DYNC1H1: variants seen among roughly 807,000 people sequenced by gnomAD.
The protein encoded by DYNC1H1 is dynein cytoplasmic 1 heavy chain 1, also known as cytoplasmic dynein 1 heavy chain 1.
A neutral mutation model predicts 527.1 loss-of-function variants in DYNC1H1; 51 were observed. The ratio of observed to expected loss-of-function variants is 0.10; its 90% CI spans 0.08 to 0.12. The LOEUF (loss-of-function observed/expected upper bound fraction) is 0.12, where lower values mean the gene tolerates loss of function less well. Among genes scored for constraint, DYNC1H1 ranks in the 10% least tolerant of loss-of-function variants. The pLI, the probability that DYNC1H1 is intolerant of heterozygous loss-of-function variation, is 1.00. For missense variants in DYNC1H1, 2,771 were observed against 5,971.8 expected, an observed-to-expected ratio of 0.46 and a Z score of 17.66; for synonymous variants, 2,189 against 2,278.8, an observed-to-expected ratio of 0.96 and a Z score of 1.12.
chr14:101,982,896 G>T, intron 5 of DYNC1H1, 123 bp from the exon 6 acceptor site: 1 of 1,188,486 alleles, frequency 8.4e-7, no homozygotes, highest in East Asian at 2.4e-5. Context: ...TTTCAAATAT[G>T]AATAGTTTTT....
At chr14:102,032,228 C>CTTA (rs1461340153) in intron 51 of DYNC1H1, 44 bp from the exon 52 acceptor site, 3 of 1,611,166 alleles carry the variant, frequency 1.9e-6, no homozygotes, top group Non-Finnish European at 2.5e-6. Context: ...TTTGCTCTAT[C>CTTA]TTCTCCCACC....
Position 102,039,830 on chromosome 14 carries a change from CTTT to C in DYNC1H1, c.11690+100_11690+102del, listed in dbSNP as rs1567021603. 1.4e-5 allele frequency: 19 copies of C among 1,383,836 alleles called. No individual in the cohort carries two copies. The highest frequency in any genetic ancestry group is 4.0e-5 in the Admixed American group (2 of 50,376). 85.7% of individuals were successfully genotyped at this position (1,383,836 alleles called of 1,614,324 possible). ...GCTTTTATTATTTCTTTTATTTTCT[CTTT>C]TATTTTCTTTATTTTATTTTTTGAG... On this transcript the variant is annotated intron_variant, in intron 62 of 77. Coordinates refer to ENST00000360184, the MANE Select transcript of DYNC1H1 (RefSeq NM_001376.5). The surrounding 1 kb of genome is among the most constrained non-coding windows in gnomAD (Gnocchi z 7.0).
Position 102,038,808 on chromosome 14 carries a change from T to C in DYNC1H1, c.11166T>C (p.Pro3722=), listed in dbSNP as rs2048608015. Residue 3722 remains proline, a synonymous_variant, in exon 59 of 78, where the codon CCT becomes CCC. Coordinates refer to ENST00000360184, the MANE Select transcript of DYNC1H1 (RefSeq NM_001376.5). The surrounding 1 kb of genome is among the most constrained non-coding windows in gnomAD (Gnocchi z 7.2). ...CLNEVLKAER[P]DVDEKRSDLL... Reference sequence around the variant, plus strand: ...ATGAAGTACTTAAAGCAGAAAGACCTGATGTGGACGAGAAACGATCTGATC... The same window carrying C: ...ATGAAGTACTTAAAGCAGAAAGACCCGATGTGGACGAGAAACGATCTGATC... 6.2e-7 allele frequency: 1 copy of C among 1,614,152 alleles called. No homozygotes were observed.
At chr14:102,004,160 C>T (rs1005604821) in intron 23 of DYNC1H1, among the ~76,000 whole-genome samples, 3 of 152,032 alleles carry the variant, frequency 2.0e-5, no homozygotes, top group East Asian at 1.9e-4. Flanking sequence ...AGGAGAATGG[C>T]GTGAACCCGG....
intron 1 of DYNC1H1, among the ~76,000 whole-genome samples, chr14:101,973,528 A>G (rs1314501752): frequency 6.6e-6 from 1 of 152,136 alleles, no homozygotes; most frequent in Non-Finnish European, 1.5e-5. Context: ...CTAAGGAAGC[A>G]GGGGTTGGGC....
rs2048581533 is a variant in DYNC1H1, at chr14:102,036,845, CCTGTAAT to C, written c.10908+206_10908+212del. On this transcript the variant is annotated intron_variant, in intron 57 of 77. Coordinates refer to ENST00000360184, the MANE Select transcript of DYNC1H1 (RefSeq NM_001376.5). The surrounding 1 kb of genome is among the most constrained non-coding windows in gnomAD (Gnocchi z 5.6). ...CAGTGGTCGGGCGAGGTGGCTCACA[CCTGTAAT>C]CTCAGCACTTTGGGAGGCCGAGGCG... The C allele has an allele frequency of 1.6e-6, 1 of 613,580 alleles. No individual in the cohort carries two copies. The highest frequency in any genetic ancestry group is 3.9e-5 in the East Asian group (1 of 25,396). The allele number at this position is 613,580 out of a possible 1,614,324, so 38.0% of individuals were successfully genotyped here. A position where few individuals can be genotyped will look rare whatever the true frequency, so the allele number is the denominator to read the frequency against.
intron 23 of DYNC1H1, 51 bp downstream of exon 23, chr14:102,003,016 G>A (rs2048149376): frequency 2.5e-6 from 4 of 1,611,022 alleles, no homozygotes; most frequent in Admixed American, 1.7e-5. Context: ...TTTCAGTTGT[G>A]CATTTTTCCA....
At position 102,029,780 on chromosome 14, in the gene DYNC1H1, G is replaced by A. The variant is rs1449107229; in HGVS notation, c.9643-39G>A. On this transcript the variant is annotated intron_variant, in intron 49 of 77. Coordinates refer to ENST00000360184, the MANE Select transcript of DYNC1H1 (RefSeq NM_001376.5). The surrounding 1 kb of genome is among the most constrained non-coding windows in gnomAD (Gnocchi z 5.3). ...GAGGACCCCTTTCCATATAATTTCT[G>A]CATGTTTCTCGTCTCTGAGTGTGGG... is the stretch of plus-strand genomic sequence containing the variant. The A allele has an allele frequency of 6.2e-7, 1 of 1,614,080 alleles. No individual in the cohort carries two copies. Among genetic ancestry groups the A allele is most frequent in the Non-Finnish European group, 8.5e-7 (1 of 1,180,050 alleles).
intron 72 of DYNC1H1, 178 bp from the exon 73 acceptor site, chr14:102,047,639 G>GTACATATATATATATATATATATA (rs1287359925): frequency 1.7e-4 from 59 of 352,014 alleles, no homozygotes; most frequent in East Asian, 1.5e-3. Context: ...GTGTGTGTGT[G>GTACATATATATATATATATATATA]TGTATATATA....
chr14:102,010,613 C>A lies in DYNC1H1; in HGVS notation c.6406-127C>A. ...ATGTTGACCCAGTGAGTCGAGTGCACGAATGTGGGCGAGTGGTGCTCGCAC... is the reference window on the plus strand; with the variant it reads ...ATGTTGACCCAGTGAGTCGAGTGCAAGAATGTGGGCGAGTGGTGCTCGCAC... On this transcript the variant is annotated intron_variant, in intron 31 of 77. Coordinates refer to ENST00000360184, the MANE Select transcript of DYNC1H1 (RefSeq NM_001376.5). The surrounding 1 kb of genome is among the most constrained non-coding windows in gnomAD (Gnocchi z 6.0). 2 of 1,493,948 alleles carry A rather than the reference C, an allele frequency of 1.3e-6. No individual in the cohort carries two copies. The highest frequency in any genetic ancestry group is 1.8e-6 in the Non-Finnish European group (2 of 1,091,060). The allele number at this position is 1,493,948 out of a possible 1,614,324, so 92.5% of individuals were successfully genotyped here. A position where few individuals can be genotyped will look rare whatever the true frequency, so the allele number is the denominator to read the frequency against.
chr14:102,003,069 C>T, intron 23 of DYNC1H1, 104 bp downstream of exon 23: 1 of 1,486,290 alleles, frequency 6.7e-7, no homozygotes, highest in Non-Finnish European at 9.2e-7. Context: ...TTAGTTTTGA[C>T]ATCAAGGATT....
chr14:101,993,620 T>C (rs2048023429), intron 11 of DYNC1H1, among the ~76,000 whole-genome samples: 1 of 152,184 alleles, frequency 6.6e-6, no homozygotes, highest in Non-Finnish European at 1.5e-5. Flanking sequence ...GAATCCTTGA[T>C]GGCAAATAAT....
In DYNC1H1 at chr14:101,998,880, T is replaced by TTTTTTTTTTGTTTTTTTTTG. The variant is rs1260375846; in HGVS notation, c.3805-1100_3805-1099insGTTTTTTTTTGTTTTTTTTT. 1.7e-3 allele frequency among the ~76,000 whole-genome samples: 142 copies of TTTTTTTTTTGTTTTTTTTTG among 84,118 alleles called. 4 individuals carry two copies. Among genetic ancestry groups the TTTTTTTTTTGTTTTTTTTTG allele is most frequent in the African/African-American group, 0.013 (131 of 10,404 alleles). 55.2% of individuals were successfully genotyped at this position (84,118 alleles called of 152,430 possible). On this transcript the variant is annotated intron_variant, in intron 16 of 77. Transcript: ENST00000360184. ...AATGTGTTAGAGTTAAAACTTTTTC[T>TTTTTTTTTTGTTTTTTTTTG]TTTTTTTTTTTTTTTTTTTGAGACG...
chr14:102,036,016 C>G lies in DYNC1H1; in HGVS notation c.10755-473C>G, dbSNP rs143106680. 5.4e-6 allele frequency: 1 copy of G among 184,832 alleles called. No individual in the cohort carries two copies. The highest frequency in any genetic ancestry group is 1.1e-5 in the Non-Finnish European group (1 of 86,974). 11.4% of individuals were successfully genotyped at this position (184,832 alleles called of 1,614,324 possible). A position where few individuals can be genotyped will look rare whatever the true frequency, so the allele number is the denominator to read the frequency against. On this transcript the variant is annotated intron_variant, in intron 56 of 77. Transcript: ENST00000360184. This position sits in a 1 kb window ranked among gnomAD's most constrained non-coding sequence, Gnocchi z 5.6. ...TCCTTTCCTCATTTGTAGAATGGTT[C>G]GATAACAGTGTCAGCCTCATAGGGC...
In DYNC1H1 at chr14:102,029,676, C is replaced by T. The variant is rs917256595; in HGVS notation, c.9606C>T (p.Asn3202=). The part of the protein sequence containing the change: ...SELEEQQMHL[N]VGLRKIKETV... The stretch of plus-strand genomic sequence containing the variant: ...TGGAGGAGCAGCAGATGCACTTGAA[C>T]GTGGGGCTCAGGAAGATCAAAGAGA... Residue 3202 remains asparagine, a synonymous_variant, in exon 49 of 78, where the codon AAC becomes AAT. Coordinates refer to ENST00000360184, the MANE Select transcript of DYNC1H1 (RefSeq NM_001376.5). The surrounding 1 kb of genome is among the most constrained non-coding windows in gnomAD (Gnocchi z 5.3). 2 of 1,614,204 alleles carry T rather than the reference C, an allele frequency of 1.2e-6. No individual in the cohort carries two copies. The highest frequency in any genetic ancestry group is 1.3e-5 in the African/African-American group (1 of 75,060).
In DYNC1H1 at chr14:102,044,721, A is replaced by ACACGCAGGGTGGGTGGCGAGGGTCCCCT. The variant is rs754296861; in HGVS notation, c.13006+29_13006+56dup. 13 of 1,611,468 alleles carry ACACGCAGGGTGGGTGGCGAGGGTCCCCT rather than the reference A, an allele frequency of 8.1e-6. No individual in the cohort carries two copies. In the African/African-American group the frequency reaches 1.6e-4, roughly 20 times the overall value. ...AGGGTAGGCAACAAGGATCCTCCCCACACGCAGGGTGGGTGGCGAGGGTCC... is the reference window on the plus strand; with the variant it reads ...AGGGTAGGCAACAAGGATCCTCCCCACACGCAGGGTGGGTGGCGAGGGTCCCCTCACGCAGGGTGGGTGGCGAGGGTCC... On this transcript the variant is annotated intron_variant, in intron 72 of 77. Coordinates refer to ENST00000360184, the MANE Select transcript of DYNC1H1 (RefSeq NM_001376.5). This position sits in a 1 kb window ranked among gnomAD's most constrained non-coding sequence, Gnocchi z 7.1.
rs2048146556 is a variant in DYNC1H1, at chr14:102,002,749, T to C, written c.4710-43T>C. The stretch of plus-strand genomic sequence containing the variant: ...GCCAAATTTGCCAGCGGCTAGTGAC[T>C]ACTCTACACAAAGGCTGACGCATGT... On this transcript the variant is annotated intron_variant, in intron 22 of 77. Coordinates refer to ENST00000360184, the MANE Select transcript of DYNC1H1 (RefSeq NM_001376.5). The surrounding 1 kb of genome is among the most constrained non-coding windows in gnomAD (Gnocchi z 4.4). 6.2e-7 allele frequency: 1 copy of C among 1,614,088 alleles called. No homozygotes were observed. Among genetic ancestry groups the C allele is most frequent in the Admixed American group, 1.7e-5 (1 of 60,002 alleles).
At position 101,965,816 on chromosome 14, in the gene DYNC1H1, TAAA is replaced by T. The variant is rs59444117; in HGVS notation, c.256+882_256+884del. ...AATATTTGAGTCTAATTTTACAGAT[TAAA>T]AAAAAAAAAAAAGATTCAGGTTAGG... is the stretch of plus-strand genomic sequence containing the variant. On this transcript the variant is annotated intron_variant, in intron 1 of 77. Coordinates refer to ENST00000360184, the MANE Select transcript of DYNC1H1 (RefSeq NM_001376.5). The surrounding 1 kb of genome is among the most constrained non-coding windows in gnomAD (Gnocchi z 4.1). Among the ~76,000 whole-genome samples, 5 of 140,634 alleles carry T rather than the reference TAAA, an allele frequency of 3.6e-5. No individual in the cohort carries two copies. Among genetic ancestry groups the T allele is most frequent in the South Asian group, 4.5e-4 (2 of 4,464 alleles). 92.3% of individuals were successfully genotyped at this position (140,634 alleles called of 152,430 possible).
chr14:102,049,083 ATCC>A lies in DYNC1H1; in HGVS notation c.13373-352_13373-350del, dbSNP rs1345078994. On this transcript the variant is annotated intron_variant, in intron 74 of 77. Coordinates refer to ENST00000360184, the MANE Select transcript of DYNC1H1 (RefSeq NM_001376.5). This position sits in a 1 kb window ranked among gnomAD's most constrained non-coding sequence, Gnocchi z 5.5. ...TCCAAAGTTGTGGGGAGCCCCCAGC[ATCC>A]TCCTGTTTGCCCCAAAAGCCCTAAT... The A allele has an allele frequency of 1.4e-5, 6 of 430,210 alleles. No homozygotes were observed. The highest frequency in any genetic ancestry group is 8.4e-5 in the South Asian group (4 of 47,480). The allele number at this position is 430,210 out of a possible 1,614,324, so 26.6% of individuals were successfully genotyped here.
Sources: allele counts gnomAD v4.1 joint callset (sites outside exome capture counted in the v4.1 genomes callset), GRCh38; gene constraint gnomAD v4.1.1; non-coding constraint Gnocchi (gnomAD v3.1); transcripts MANE v1.5; gene names NCBI Gene and HGNC (gene_info 2026-07-23, HGNC 2026-07-21).